ZFC3H1: variants seen among roughly 807,000 people sequenced by gnomAD.
The protein encoded by ZFC3H1 is zinc finger C3H1 domain-containing protein.
In ZFC3H1, 71 loss-of-function variants were observed where a neutral mutation model predicts 243.7. The observed-to-expected ratio is 0.29, with a 90% CI of 0.24 to 0.36. ZFC3H1 has a LOEUF of 0.36. Ranked by LOEUF, ZFC3H1 falls within the 10% of genes least tolerant of loss-of-function variation. The probability of loss-of-function intolerance (pLI) is 1.00; values close to 1 mark genes in which losing one functional copy is unlikely to be tolerated. For synonymous variants in ZFC3H1, 838 were observed against 813.0 expected, an observed-to-expected ratio of 1.03 and a Z score of -0.52; for missense variants, 1,966 against 2,317.1, an observed-to-expected ratio of 0.85 and a Z score of 3.11.
At chr12:71,621,308 CTTT>C (rs71068781) in intron 24 of ZFC3H1, among the ~76,000 whole-genome samples, 5 of 145,234 alleles carry the variant, frequency 3.4e-5, no homozygotes, top group Non-Finnish European at 6.1e-5. Context: ...ACTTCCTTTT[CTTT>C]TTTTTTTTTT....
chr12:71,622,624 G>A lies in ZFC3H1; in HGVS notation c.4744+736C>T, dbSNP rs12580305. On this transcript the variant is annotated intron_variant, in intron 24 of 34. Transcript: ENST00000378743. ...AATACAGGCGTGAATCACCACGCCCGGCTAAATTTTGTATTTTTAGTAGAG... is the reference window on the plus strand; with the variant it reads ...AATACAGGCGTGAATCACCACGCCCAGCTAAATTTTGTATTTTTAGTAGAG... 8.3e-4 allele frequency among the ~76,000 whole-genome samples: 126 copies of A among 152,122 alleles called. 1 individual carries two copies. Among genetic ancestry groups the A allele is most frequent in the East Asian group, 7.7e-3 (40 of 5,178 alleles).
intron 24 of ZFC3H1, 34 bp downstream of exon 24, chr12:71,623,326 A>G: frequency 6.6e-7 from 1 of 1,514,128 alleles, no homozygotes; most frequent in Middle Eastern, 1.8e-4. Flanking sequence ...ATGTTATAAC[A>G]GTTGATATTA....
rs191501606 is a variant in ZFC3H1 at position 71,631,360 on chromosome 12, T to C, written c.3471-406A>G. ...AACCCTTTAACATTCTCACAACTTTTAAAAGTCTAAATGGGGGACCCACAA... is the reference window on the plus strand; with the variant it reads ...AACCCTTTAACATTCTCACAACTTTCAAAAGTCTAAATGGGGGACCCACAA... On this transcript the variant is annotated intron_variant, in intron 16 of 34. Transcript: ENST00000378743. 2.0e-5 allele frequency among the ~76,000 whole-genome samples: 3 copies of C among 152,242 alleles called. No individual in the cohort carries two copies. The East Asian group carries it at 5.8e-4, about 29-fold the overall frequency.
intron 2 of ZFC3H1, among the ~76,000 whole-genome samples, chr12:71,652,288 C>G (rs2137557578): frequency 6.6e-6 from 1 of 152,330 alleles, no homozygotes; most frequent in South Asian, 2.1e-4. Context: ...TTCCAAAACA[C>G]ACATCTGATC....
intron 1 of ZFC3H1, among the ~76,000 whole-genome samples, chr12:71,659,123 C>G (rs368822200): frequency 6.6e-6 from 1 of 152,128 alleles, no homozygotes; most frequent in Admixed American, 6.5e-5. Flanking sequence ...GGGAGCACTA[C>G]TTAGCCTCTT....
At position 71,632,077 on chromosome 12, in the gene ZFC3H1, C is replaced by A. The variant is rs1160463371; in HGVS notation, c.3255G>T (p.Gly1085=). Reference sequence around the variant, plus strand: ...ATTTTTGCAATTCACCAATTTTTAACCCTAGAAAAAGTTCTGGTTTTTCTA... The same window carrying A: ...ATTTTTGCAATTCACCAATTTTTAAACCTAGAAAAAGTTCTGGTTTTTCTA... ...NTVEKPELFL[G]LKIGELQKLY... is the part of the protein sequence containing the mutation. The change falls in exon 15 of 35, where the codon GGG becomes GGT. Residue 1085 remains glycine (G), a synonymous_variant. Coordinates refer to ENST00000378743, the MANE Select transcript of ZFC3H1 (RefSeq NM_144982.5). 26 of 1,610,492 alleles carry A rather than the reference C, an allele frequency of 1.6e-5. No individual in the cohort carries two copies. Among genetic ancestry groups the A allele is most frequent in the Non-Finnish European group, 2.1e-5 (25 of 1,179,084 alleles).
At chr12:71,614,793 T>A (rs763252396) in intron 29 of ZFC3H1, 41 bp downstream of exon 29, 1 of 1,602,518 alleles carries the variant, frequency 6.2e-7, no homozygotes, top group Non-Finnish European at 8.5e-7. Flanking sequence ...CATACCCCTT[T>A]ATCCCCAAAT....
intron 16 of ZFC3H1, 100 bp downstream of exon 16, chr12:71,631,678 G>T: frequency 9.6e-7 from 1 of 1,041,350 alleles, no homozygotes; most frequent in Non-Finnish European, 1.4e-6. Flanking sequence ...CAATAGCAAT[G>T]ATTCAATTGC....
At chr12:71,620,145 A>T (rs774291880) in intron 25 of ZFC3H1, 21 bp from the exon 26 acceptor site, 2 of 1,605,602 alleles carry the variant, frequency 1.2e-6, no homozygotes, top group African/African-American at 2.7e-5. Flanking sequence ...AAGAAAAAAA[A>T]AGGCTAAAGA....
chr12:71,632,786 ATT>A, intron 14 of ZFC3H1, 98 bp downstream of exon 14: 1 of 1,493,232 alleles, frequency 6.7e-7, no homozygotes, highest in Non-Finnish European at 9.0e-7. Flanking sequence ...ATCTCTTGGA[ATT>A]TACAGCAAAG....
Position 71,611,104 on chromosome 12 carries a change from G to GAAAAAAAAAAAA in ZFC3H1, c.5730-19_5730-8dup. ...AATCTCAGCAGCAATGGCTCTAAGA[G>GAAAAAAAAAAAA]AAAAAAAAAAAAAAAGAAATATAGA... On this transcript the variant is annotated splice_polypyrimidine_tract_variant and splice_region_variant and intron_variant, in intron 32 of 34. Transcript: ENST00000378743. 7.8e-7 allele frequency: 1 copy of GAAAAAAAAAAAA among 1,279,696 alleles called. No homozygotes were observed. 79.3% of individuals were successfully genotyped at this position (1,279,696 alleles called of 1,614,324 possible). A position where few individuals can be genotyped will look rare whatever the true frequency, so the allele number is the denominator to read the frequency against.
At chr12:71,638,575 A>C (rs913531916) in intron 6 of ZFC3H1, 60 bp from the exon 7 acceptor site, 2 of 1,335,684 alleles carry the variant, frequency 1.5e-6, no homozygotes, top group African/African-American at 1.5e-5. Context: ...GGAATATATT[A>C]AGTTTATGTT....
chr12:71,662,925 C>G, intron 1 of ZFC3H1, 88 bp downstream of exon 1: 1 of 1,334,422 alleles, frequency 7.5e-7, no homozygotes, highest in Non-Finnish European at 1.0e-6. Context: ...TCTGATGATT[C>G]AAAGTTACAC....
In ZFC3H1 at chr12:71,634,822, C is replaced by T; in HGVS notation, c.2242G>A (p.Ala748Thr). 6.5e-7 allele frequency: 1 copy of T among 1,531,374 alleles called. No individual in the cohort carries two copies. Among genetic ancestry groups the T allele is most frequent in the Non-Finnish European group, 8.8e-7 (1 of 1,142,216 alleles). The allele number at this position is 1,531,374 out of a possible 1,614,324, so 94.9% of individuals were successfully genotyped here. A position where few individuals can be genotyped will look rare whatever the true frequency, so the allele number is the denominator to read the frequency against. The change falls in exon 11 of 35, where the codon GCT (alanine) becomes ACT (threonine). Residue 748 changes from alanine (A) to threonine (T), a missense_variant. Transcript: ENST00000378743. ...TTTGGAGGTACTTTCGGTTTTGAAG[C>T]TTGCTAAAAAAAAAAAAACATTTGA... ...IKEARRTAEQ[A>T]SKPKVPPKSE...
intron 2 of ZFC3H1, chr12:71,656,500 A>G (rs771535073): frequency 1.5e-6 from 1 of 658,758 alleles, no homozygotes; most frequent in South Asian, 1.7e-5. Context: ...TTCAACATCC[A>G]TTCACGCTGA....
In ZFC3H1 at chr12:71,610,201, T is replaced by A. The variant is rs1879733629; in HGVS notation, c.*227A>T. On this transcript the variant is annotated 3_prime_UTR_variant, in exon 35 of 35. Transcript: ENST00000378743. ...TTACGTATATGATGTTATGAGAATC[T>A]GGCAGGGCCTAGAAGCAGGCCAAAC... 4.7e-6 allele frequency: 2 copies of A among 428,862 alleles called. No homozygotes were observed. The highest frequency in any genetic ancestry group is 8.3e-6 in the Non-Finnish European group (2 of 241,378). 26.6% of individuals were successfully genotyped at this position (428,862 alleles called of 1,614,324 possible).
intron 22 of ZFC3H1, among the ~76,000 whole-genome samples, chr12:71,625,102 G>C (rs1148989): frequency 0.51 from 76,999 of 152,004 alleles, 22,788 homozygotes; most frequent in Middle Eastern, 0.71. Flanking sequence ...CATTCACTTA[G>C]GTACAATGCT....
chr12:71,611,309 G>C (rs1450457877), intron 32 of ZFC3H1: 2 of 350,280 alleles, frequency 5.7e-6, no homozygotes, highest in African/African-American at 2.2e-5. Context: ...CAAGAAAAAA[G>C]CAGACCAGTG....
chr12:71,623,860 A>G (rs781579984), intron 23 of ZFC3H1, among the ~76,000 whole-genome samples: 1 of 152,190 alleles, frequency 6.6e-6, no homozygotes, highest in Non-Finnish European at 1.5e-5. Flanking sequence ...TTACCTGTGG[A>G]TACTTAACAT....
Sources: allele counts gnomAD v4.1 joint callset (sites outside exome capture counted in the v4.1 genomes callset), GRCh38; gene constraint gnomAD v4.1.1; transcripts MANE v1.5; gene names NCBI Gene and HGNC (gene_info 2026-07-23, HGNC 2026-07-21).